The following WNT3 variants were observed in gnomAD, a reference collection of about 807,000 sequenced individuals.
The protein encoded by WNT3 is proto-oncogene Wnt-3.
Under a neutral mutation model 34.2 loss-of-function variants are expected in WNT3, and 7 were observed. That is an observed-to-expected ratio of 0.20 (90% CI 0.12 to 0.38). The LOEUF (loss-of-function observed/expected upper bound fraction) is 0.38. WNT3 is among the 10% of genes least tolerant of loss of function. WNT3 has a pLI of 1.00. For synonymous variants in WNT3, 212 were observed against 211.5 expected, an observed-to-expected ratio of 1.00 and a Z score of -0.02; for missense variants, 267 against 499.8, an observed-to-expected ratio of 0.53 and a Z score of 4.44.
chr17:46,815,809 CT>C (rs1455669836), intron 1 of WNT3, among the ~76,000 whole-genome samples: 2 of 152,196 alleles, frequency 1.3e-5, no homozygotes, highest in African/African-American at 4.8e-5. Flanking sequence ...CCTTGTGAGA[CT>C]TTTGCTTCCT....
intron 1 of WNT3, among the ~76,000 whole-genome samples, chr17:46,805,347 C>T (rs190913647): frequency 5.3e-5 from 8 of 152,118 alleles, no homozygotes; most frequent in East Asian, 3.9e-4. Context: ...TTGAGGTGGG[C>T]GGGTCACCTG....
At position 46,816,119 on chromosome 17, in the gene WNT3, A is replaced by ACACACACACACGCATG. The variant is rs71138553; in HGVS notation, c.80+2398_80+2399insCATGCGTGTGTGTGTG. Among the ~76,000 whole-genome samples, 12 of 150,666 alleles carry ACACACACACACGCATG rather than the reference A, an allele frequency of 8.0e-5. No homozygotes were observed. In the East Asian group the frequency reaches 2.0e-3, roughly 25 times the overall value. On this transcript the variant is annotated intron_variant, in intron 1 of 4. Coordinates refer to ENST00000225512, the MANE Select transcript of WNT3 (RefSeq NM_030753.5). ...AAGGCATGCGCGCGCACGTACACAC[A>ACACACACACACGCATG]CACACACACACTCACACACACGCAC... is the stretch of plus-strand genomic sequence containing the variant.
At chr17:46,798,864 A>C (rs896934114) in intron 1 of WNT3, among the ~76,000 whole-genome samples, 30 of 152,130 alleles carry the variant, frequency 2.0e-4, no homozygotes, top group African/African-American at 7.2e-4. Flanking sequence ...CCTGGCTAAC[A>C]TGGGGAAACC....
chr17:46,773,619 T>TGGGGGGGGGGGGGGGGGGGGGGGG, intron 2 of WNT3, 49 bp downstream of exon 2: 6 of 549,848 alleles, frequency 1.1e-5, no homozygotes, highest in African/African-American at 2.1e-5. Flanking sequence ...ACAGTCCTGA[T>TGGGGGGGGGGGGGGGGGGGGGGGG]CCCTCCCCCC....
chr17:46,769,315 C>CAAAAA (rs60504646), intron 3 of WNT3, among the ~76,000 whole-genome samples: 2 of 102,850 alleles, frequency 1.9e-5, no homozygotes, highest in African/African-American at 3.6e-5. Flanking sequence ...GACTCCGTCT[C>CAAAAA]AAAAAAAAAA....
At position 46,814,454 on chromosome 17, in the gene WNT3, G is replaced by A. The variant is rs921681862; in HGVS notation, c.80+4064C>T. ...CACCCATAATGGGGGCGGGGTGAGCGGGAGGGCTGTTAACTTCCAAGAGAC... is the reference window on the plus strand; with the variant it reads ...CACCCATAATGGGGGCGGGGTGAGCAGGAGGGCTGTTAACTTCCAAGAGAC... On this transcript the variant is annotated intron_variant, in intron 1 of 4. Transcript: ENST00000225512. Among the ~76,000 whole-genome samples, 10 of 152,296 alleles carry A rather than the reference G, an allele frequency of 6.6e-5. 1 individual carries two copies. The highest frequency in any genetic ancestry group is 1.5e-4 in the Non-Finnish European group (10 of 68,028).
intron 1 of WNT3, among the ~76,000 whole-genome samples, chr17:46,806,717 G>T (rs1281394688): frequency 6.6e-6 from 1 of 152,244 alleles, no homozygotes; most frequent in Non-Finnish European, 1.5e-5. Context: ...GGGACTGGGT[G>T]GGGTGACCTG....
intron 3 of WNT3, among the ~76,000 whole-genome samples, chr17:46,769,240 C>T (rs2059341080): frequency 6.8e-6 from 1 of 147,992 alleles, no homozygotes; most frequent in Non-Finnish European, 1.5e-5. Flanking sequence ...TGCTTGAACT[C>T]GGGAGGCGGA....
intron 1 of WNT3, among the ~76,000 whole-genome samples, chr17:46,816,409 C>T (rs556263527): frequency 6.6e-4 from 99 of 151,098 alleles, no homozygotes; most frequent in Non-Finnish European, 1.1e-3. Context: ...GGCACAAACA[C>T]TTTTGCACAC....
chr17:46,779,099 ACACAC>A (rs2059437752), intron 1 of WNT3, among the ~76,000 whole-genome samples: 1 of 128,566 alleles, frequency 7.8e-6, no homozygotes, highest in African/African-American at 2.7e-5. Flanking sequence ...ACACACACAC[ACACAC>A]CCCAGCCCAC....
chr17:46,786,948 T>C (rs2059511388), intron 1 of WNT3, among the ~76,000 whole-genome samples: 1 of 151,704 alleles, frequency 6.6e-6, no homozygotes, highest in African/African-American at 2.4e-5. Context: ...TTTCTTTTTT[T>C]TTTTTTTGAG....
intron 4 of WNT3, among the ~76,000 whole-genome samples, chr17:46,765,508 G>C (rs969761757): frequency 6.6e-6 from 1 of 152,254 alleles, no homozygotes; most frequent in Non-Finnish European, 1.5e-5. Context: ...TCTCCTCACC[G>C]TGTGGAGGGC....
At chr17:46,802,753 G>T (rs1209882285) in intron 1 of WNT3, among the ~76,000 whole-genome samples, 1 of 152,244 alleles carries the variant, frequency 6.6e-6, no homozygotes, top group African/African-American at 2.4e-5. Flanking sequence ...ACACGTGGAG[G>T]TTCCTGGAAG....
intron 1 of WNT3, among the ~76,000 whole-genome samples, chr17:46,785,420 AGG>A (rs1296002509): frequency 8.5e-5 from 13 of 152,214 alleles, no homozygotes; most frequent in Non-Finnish European, 1.6e-4. Flanking sequence ...TCCACGCCAT[AGG>A]AGAAAAACCC....
chr17:46,818,430 T>C, intron 1 of WNT3, 88 bp downstream of exon 1: 1 of 1,360,310 alleles, frequency 7.4e-7, no homozygotes, highest in Non-Finnish European at 1.0e-6. Flanking sequence ...GCCCCAGCCC[T>C]GCAGCGGCCC....
At chr17:46,779,097 A>ACC (rs2059437505) in intron 1 of WNT3, among the ~76,000 whole-genome samples, 7 of 131,356 alleles carry the variant, frequency 5.3e-5, no homozygotes, top group East Asian at 2.7e-4. Flanking sequence ...ACACACACAC[A>ACC]CACACACCCC....
At chr17:46,800,410 C>T (rs2084109376) in intron 1 of WNT3, among the ~76,000 whole-genome samples, 1 of 152,188 alleles carries the variant, frequency 6.6e-6, no homozygotes, top group Non-Finnish European at 1.5e-5. Context: ...CATGCCTGGC[C>T]TGATAACAGA....
chr17:46,809,781 G>C (rs1294132040), intron 1 of WNT3, among the ~76,000 whole-genome samples: 1 of 152,140 alleles, frequency 6.6e-6, no homozygotes, highest in Non-Finnish European at 1.5e-5. Context: ...CCCGTGACCA[G>C]TTGGCTTCAG....
rs576908853 is a variant in WNT3, at chr17:46,798,630, C to T, written c.80+19888G>A. Among the ~76,000 whole-genome samples, 125 of 152,250 alleles carry T rather than the reference C, an allele frequency of 8.2e-4. 1 individual carries two copies. Among genetic ancestry groups the T allele is most frequent in the African/African-American group, 2.8e-3 (118 of 41,552 alleles). ...AGCCCTGGATCAGCCTGCATCCCAC[C>T]CAGGCCTCCTGCACTTCCAGCCACA... On this transcript the variant is annotated intron_variant, in intron 1 of 4. Coordinates refer to ENST00000225512, the MANE Select transcript of WNT3 (RefSeq NM_030753.5).
Sources: gnomAD v4.1 joint callset for allele counts (sites outside exome capture counted in the v4.1 genomes callset) on GRCh38, gnomAD v4.1.1 for gene constraint, MANE v1.5 for transcripts, NCBI Gene and HGNC (gene_info 2026-07-23, HGNC 2026-07-21) for gene names.